Variants in CELF4 observed in about 807,000 individuals in gnomAD.
The protein encoded by CELF4 is CUG-BP- and ETR-3-like factor 4.
CELF4 carries 18 observed loss-of-function variants against 59.9 expected under a neutral mutation model. That is an observed-to-expected ratio of 0.30 (90% CI 0.21 to 0.45). CELF4 has a LOEUF of 0.45. Ranked by LOEUF, CELF4 falls within the 20% of genes least tolerant of loss-of-function variation. CELF4 has a pLI of 1.00. For missense variants in CELF4, 456 were observed against 689.0 expected, an observed-to-expected ratio of 0.66 and a Z score of 3.79; for synonymous variants, 261 against 267.1, an observed-to-expected ratio of 0.98 and a Z score of 0.22.
At chr18:37,406,865 G>C (rs1267851763) in intron 2 of CELF4, among the ~76,000 whole-genome samples, 1 of 152,032 alleles carries the variant, frequency 6.6e-6, no homozygotes, top group African/African-American at 2.4e-5. Flanking sequence ...GTGGGGAAGT[G>C]GGGGAATGGG....
intron 10 of CELF4, among the ~76,000 whole-genome samples, chr18:37,262,202 C>A (rs182757906): frequency 1.5e-4 from 23 of 152,350 alleles, no homozygotes; most frequent in Middle Eastern, 3.4e-3. Context: ...CGCGCTCTCA[C>A]CCGCCCATGC....
intron 2 of CELF4, among the ~76,000 whole-genome samples, chr18:37,418,151 G>C (rs2099544615): frequency 6.6e-6 from 1 of 152,166 alleles, no homozygotes. Flanking sequence ...CCACCAAGTT[G>C]GAAATCCACA....
chr18:37,436,199 G>A (rs547931444), intron 2 of CELF4, among the ~76,000 whole-genome samples: 1 of 152,208 alleles, frequency 6.6e-6, no homozygotes, highest in Admixed American at 6.5e-5. Context: ...GCTCGCTTAA[G>A]AGAAGAGCGT....
intron 2 of CELF4, among the ~76,000 whole-genome samples, chr18:37,323,834 G>A (rs148502696): frequency 7.9e-5 from 12 of 152,172 alleles, no homozygotes; most frequent in Non-Finnish European, 1.6e-4. Context: ...TCTGAGGAGC[G>A]GCAGAGCTGG....
chr18:37,303,635 C>T (rs1167224710), intron 3 of CELF4, among the ~76,000 whole-genome samples: 1 of 152,072 alleles, frequency 6.6e-6, no homozygotes, highest in Non-Finnish European at 1.5e-5. Context: ...TTTTTAGAGC[C>T]ACGTCTTGGT....
At chr18:37,296,294 T>C (rs2095635437) in intron 3 of CELF4, among the ~76,000 whole-genome samples, 1 of 152,160 alleles carries the variant, frequency 6.6e-6, no homozygotes, top group South Asian at 2.1e-4. Context: ...ACTACAGGTG[T>C]TACAGAAAGA....
intron 3 of CELF4, among the ~76,000 whole-genome samples, chr18:37,288,901 G>A (rs2095080447): frequency 6.6e-6 from 1 of 152,120 alleles, no homozygotes; most frequent in South Asian, 2.1e-4. Flanking sequence ...CCTCTTAAGG[G>A]TGGCAATATT....
intron 2 of CELF4, among the ~76,000 whole-genome samples, chr18:37,423,613 G>A (rs1337707631): frequency 7.2e-5 from 11 of 152,138 alleles, no homozygotes; most frequent in African/African-American, 1.9e-4. Flanking sequence ...GCAGGTGGGC[G>A]AAGCTATTCT....
chr18:37,430,922 G>T (rs2099646240), intron 2 of CELF4, among the ~76,000 whole-genome samples: 1 of 152,176 alleles, frequency 6.6e-6, no homozygotes, highest in African/African-American at 2.4e-5. Flanking sequence ...GGTGTCTCTG[G>T]GTAAGGCCGC....
At chr18:37,324,090 C>T (rs1226946488) in intron 2 of CELF4, among the ~76,000 whole-genome samples, 2 of 152,150 alleles carry the variant, frequency 1.3e-5, no homozygotes, top group African/African-American at 4.8e-5. Context: ...ACCACTCCCA[C>T]CACACATCCT....
intron 2 of CELF4, among the ~76,000 whole-genome samples, chr18:37,387,219 G>T (rs892401772): frequency 1.3e-5 from 2 of 152,184 alleles, no homozygotes; most frequent in Non-Finnish European, 2.9e-5. Flanking sequence ...GCCTTTTCCC[G>T]GCAACCAGGG....
At chr18:37,455,201 C>T (rs993466239) in intron 2 of CELF4, among the ~76,000 whole-genome samples, 2 of 152,298 alleles carry the variant, frequency 1.3e-5, no homozygotes, top group Admixed American at 6.5e-5. Flanking sequence ...GTGGGAGGAG[C>T]GGATGGGAAG....
At chr18:37,515,217 G>T (rs1244742730) in intron 1 of CELF4, among the ~76,000 whole-genome samples, 1 of 152,188 alleles carries the variant, frequency 6.6e-6, no homozygotes, top group South Asian at 2.1e-4. Flanking sequence ...GAGCCTGGAG[G>T]AGGGGGATTT....
intron 2 of CELF4, among the ~76,000 whole-genome samples, chr18:37,391,703 T>A (rs1346472976): frequency 6.6e-6 from 1 of 152,132 alleles, no homozygotes; most frequent in Non-Finnish European, 1.5e-5. Flanking sequence ...CTCGCCTGAA[T>A]CCCCTCAGGG....
chr18:37,452,366 A>G (rs532570690), intron 2 of CELF4, among the ~76,000 whole-genome samples: 22 of 151,810 alleles, frequency 1.4e-4, no homozygotes, highest in African/African-American at 5.1e-4. Context: ...GTGCCTGCCC[A>G]GCCAGGCAAC....
chr18:37,287,396 T>G (rs1602835366), intron 3 of CELF4, among the ~76,000 whole-genome samples: 1 of 152,310 alleles, frequency 6.6e-6, no homozygotes, highest in East Asian at 1.9e-4. Context: ...CCCTGACACA[T>G]GCCTGAGCCT....
chr18:37,447,123 G>A (rs1191900959), intron 2 of CELF4, among the ~76,000 whole-genome samples: 6 of 152,178 alleles, frequency 3.9e-5, no homozygotes, highest in Admixed American at 3.3e-4. Context: ...CCGATAAAGG[G>A]CAGGGTCTCA....
intron 1 of CELF4, among the ~76,000 whole-genome samples, chr18:37,487,017 CGCTCTGTGCCAG>C (rs1291825556): frequency 9.9e-5 from 15 of 152,200 alleles, no homozygotes; most frequent in Admixed American, 2.6e-4. Context: ...CCTGAGTGCT[CGCTCTGTGCCAG>C]GCTCTGTGCC....
intron 2 of CELF4, among the ~76,000 whole-genome samples, chr18:37,344,142 G>A (rs929544531): frequency 1.3e-5 from 2 of 152,180 alleles, no homozygotes; most frequent in African/African-American, 4.8e-5. Context: ...GCTCATTCAG[G>A]AGCCTTCCTC....
Sources: allele counts gnomAD v4.1 joint callset (sites outside exome capture counted in the v4.1 genomes callset), GRCh38; gene constraint gnomAD v4.1.1; transcripts MANE v1.5; gene names NCBI Gene and HGNC (gene_info 2026-07-23, HGNC 2026-07-21).